The following AKAP6 variants were observed in gnomAD, a reference collection of about 807,000 sequenced individuals.
AKAP6 encodes A-kinase anchor protein 6.
Under a neutral mutation model 188.5 loss-of-function variants are expected in AKAP6, and 58 were observed. The observed-to-expected ratio is 0.31, with a 90% CI of 0.25 to 0.38. AKAP6 has a LOEUF of 0.38. AKAP6 is among the 10% of genes least tolerant of loss of function. AKAP6 has a pLI of 1.00. For missense variants in AKAP6, 2,710 were observed against 2,740.0 expected (o/e 0.99, Z 0.24); for synonymous variants, 989 against 998.6 (o/e 0.99, Z 0.18).
At chr14:32,408,148 C>T (rs1278208863) in intron 1 of AKAP6, among the ~76,000 whole-genome samples, 1 of 152,114 alleles carries the variant, frequency 6.6e-6, no homozygotes, top group African/African-American at 2.4e-5. Flanking sequence ...TTTGCCACAC[C>T]ATGGCTAGCA....
At chr14:32,333,907 A>G (rs916254877) in intron 1 of AKAP6, among the ~76,000 whole-genome samples, 4 of 152,296 alleles carry the variant, frequency 2.6e-5, no homozygotes, top group Non-Finnish European at 5.9e-5. Context: ...TAAATTGAGC[A>G]TTCCAGCCAG....
At position 32,820,525 on chromosome 14, in the gene AKAP6, G is replaced by A. The variant is rs557221884; in HGVS notation, c.3589-877G>A. ...GGCTACTTCATCCTGGGGTGGTCAG[G>A]AAAGTCTTCAAATAATTATTCTGGG... is the stretch of plus-strand genomic sequence containing the variant. On this transcript the variant is annotated intron_variant, in intron 12 of 13. Coordinates refer to ENST00000280979, the MANE Select transcript of AKAP6 (RefSeq NM_004274.5). Among the ~76,000 whole-genome samples, 142 of 152,170 alleles carry A rather than the reference G, an allele frequency of 9.3e-4. 1 individual carries two copies. Among genetic ancestry groups the A allele is most frequent in the Non-Finnish European group, 1.0e-3 (70 of 68,006 alleles).
intron 1 of AKAP6, among the ~76,000 whole-genome samples, chr14:32,392,359 A>G (rs1382756762): frequency 1.3e-5 from 2 of 152,204 alleles, no homozygotes; most frequent in East Asian, 1.9e-4. Context: ...GGAAGGCTGG[A>G]ATGACCTCTG....
In AKAP6 at chr14:32,787,162, C is replaced by T. The variant is rs527410024; in HGVS notation, c.3588+13269C>T. Among the ~76,000 whole-genome samples the T allele has an allele frequency of 6.6e-5, 10 of 151,994 alleles. No homozygotes were observed. In the South Asian group the frequency reaches 1.7e-3, roughly 25 times the overall value. On this transcript the variant is annotated intron_variant, in intron 12 of 13. Coordinates refer to ENST00000280979, the MANE Select transcript of AKAP6 (RefSeq NM_004274.5). ...CATTTTAATTAGAGTTCTAAGAACT[C>T]GAGGAAATTTGCAATGATCAGACAG... is the stretch of plus-strand genomic sequence containing the variant.
intron 12 of AKAP6, among the ~76,000 whole-genome samples, chr14:32,817,659 C>T (rs1468931686): frequency 2.0e-5 from 3 of 152,074 alleles, no homozygotes; most frequent in African/African-American, 7.2e-5. Context: ...TCATTTATTA[C>T]TCCCTATCCA....
At chr14:32,452,721 A>G (rs137866371) in intron 2 of AKAP6, among the ~76,000 whole-genome samples, 1 of 152,318 alleles carries the variant, frequency 6.6e-6, no homozygotes, top group East Asian at 1.9e-4. Flanking sequence ...ATGTTGTTGA[A>G]CTGTGCTCCA....
intron 2 of AKAP6, among the ~76,000 whole-genome samples, chr14:32,473,029 G>T (rs1047796551): frequency 5.9e-5 from 9 of 152,138 alleles, no homozygotes; most frequent in Admixed American, 3.9e-4. Context: ...GAGCCCAGAA[G>T]CTCACCCAAA....
intron 2 of AKAP6, among the ~76,000 whole-genome samples, chr14:32,475,565 A>T (rs1008976390): frequency 6.6e-6 from 1 of 152,208 alleles, no homozygotes; most frequent in Non-Finnish European, 1.5e-5. Context: ...AATGTGGAAG[A>T]TCGAGCAAAA....
intron 7 of AKAP6, among the ~76,000 whole-genome samples, chr14:32,665,930 T>A (rs1888916036): frequency 6.6e-6 from 1 of 152,170 alleles, no homozygotes; most frequent in Non-Finnish European, 1.5e-5. Flanking sequence ...TGGACACATG[T>A]AGTGGGGAGC....
chr14:32,336,523 C>T (rs138315644), intron 1 of AKAP6, among the ~76,000 whole-genome samples: 26 of 152,260 alleles, frequency 1.7e-4, no homozygotes, highest in African/African-American at 5.1e-4. Flanking sequence ...GGCACACACA[C>T]ATGTATATTA....
chr14:32,746,750 C>T (rs913851235), intron 11 of AKAP6, among the ~76,000 whole-genome samples: 4 of 152,246 alleles, frequency 2.6e-5, no homozygotes, highest in Admixed American at 6.5e-5. Context: ...ACCTAGAAAC[C>T]GTTTCAGAAT....
intron 7 of AKAP6, among the ~76,000 whole-genome samples, chr14:32,651,972 C>T (rs1403512479): frequency 2.0e-5 from 3 of 151,992 alleles, no homozygotes; most frequent in East Asian, 3.9e-4. Context: ...ATCTGTTCTT[C>T]CTTATATAGT....
At chr14:32,643,100 A>T (rs1399256886) in intron 7 of AKAP6, among the ~76,000 whole-genome samples, 1 of 152,206 alleles carries the variant, frequency 6.6e-6, no homozygotes, top group Non-Finnish European at 1.5e-5. Context: ...AAGTAAGATT[A>T]ATGCTCTGAA....
chr14:32,821,884 C>T lies in AKAP6; in HGVS notation c.4071C>T (p.Ser1357=). The part of the protein sequence containing the change: ...KPCACHGGDM[S]QNSGSESGIV... ...GCGCATGTCATGGAGGAGACATGAG[C>T]CAGAATTCAGGCAGTGAGAGTGGAA... is the stretch of plus-strand genomic sequence containing the variant. Residue 1357 remains serine (S), a synonymous_variant, in exon 13 of 14, where the codon AGC becomes AGT. Coordinates refer to ENST00000280979, the MANE Select transcript of AKAP6 (RefSeq NM_004274.5). 2 of 1,613,750 alleles carry T rather than the reference C, an allele frequency of 1.2e-6. No homozygotes were observed. The highest frequency in any genetic ancestry group is 1.7e-6 in the Non-Finnish European group (2 of 1,179,888).
chr14:32,435,832 G>A (rs3784190), intron 2 of AKAP6, among the ~76,000 whole-genome samples: 1 of 151,936 alleles, frequency 6.6e-6, no homozygotes, highest in African/African-American at 2.4e-5. Context: ...ACTGCATGTG[G>A]CCTCAAAAAA....
intron 7 of AKAP6, among the ~76,000 whole-genome samples, chr14:32,660,213 A>T (rs1157074252): frequency 6.6e-6 from 1 of 152,138 alleles, no homozygotes; most frequent in East Asian, 1.9e-4. Flanking sequence ...AGATGGAATA[A>T]ATGCAACAAC....
rs374432179 is a variant in AKAP6, at chr14:32,446,531, A to G, written c.324+12714A>G. On this transcript the variant is annotated intron_variant, in intron 2 of 13. Coordinates refer to ENST00000280979, the MANE Select transcript of AKAP6 (RefSeq NM_004274.5). ...CAAAAAAAAATTTATTTTTACTATCATAGATTAAGTTATAGACATGTAAGA... is the reference window on the plus strand; with the variant it reads ...CAAAAAAAAATTTATTTTTACTATCGTAGATTAAGTTATAGACATGTAAGA... Among the ~76,000 whole-genome samples, 13 of 152,150 alleles carry G rather than the reference A, an allele frequency of 8.5e-5. 1 individual carries two copies. The South Asian group carries it at 1.2e-3, about 15-fold the overall frequency.
chr14:32,531,293 GCT>G (rs1363175611), intron 2 of AKAP6, among the ~76,000 whole-genome samples: 1 of 152,118 alleles, frequency 6.6e-6, no homozygotes, highest in Non-Finnish European at 1.5e-5. Flanking sequence ...CTTCTGATTA[GCT>G]TCATTTTCCT....
chr14:32,418,528 A>G (rs1889733351), intron 1 of AKAP6, among the ~76,000 whole-genome samples: 1 of 152,134 alleles, frequency 6.6e-6, no homozygotes, highest in South Asian at 2.1e-4. Flanking sequence ...ATATGGGTTG[A>G]CCTATTATAA....
Sources: gnomAD v4.1 joint callset for allele counts (sites outside exome capture counted in the v4.1 genomes callset) on GRCh38, gnomAD v4.1.1 for gene constraint, MANE v1.5 for transcripts, NCBI Gene and HGNC (gene_info 2026-07-23, HGNC 2026-07-21) for gene names.